Variants in WIPI2 observed in about 807,000 individuals in gnomAD.
WIPI2 encodes WD repeat domain phosphoinositide-interacting protein 2.
WIPI2 carries 28 observed loss-of-function variants against 52.3 expected under a neutral mutation model. That is an observed-to-expected ratio of 0.54 (90% CI 0.40 to 0.73). WIPI2 has a LOEUF of 0.73. Ranked by LOEUF, WIPI2 falls within the 30% of genes least tolerant of loss-of-function variation. The pLI is 0.00. For synonymous variants in WIPI2, 268 were observed against 245.0 expected (o/e 1.09, Z -0.88); for missense variants, 506 against 602.9 (o/e 0.84, Z 1.68).
chr7:5,200,589 T>TA (rs1781974954), intron 3 of WIPI2, among the ~76,000 whole-genome samples: 2 of 152,148 alleles, frequency 1.3e-5, no homozygotes, highest in Non-Finnish European at 2.9e-5. Context: ...GTTTTGCTCT[T>TA]ACTGCCCAGG....
intron 1 of WIPI2, among the ~76,000 whole-genome samples, chr7:5,192,847 G>T (rs1038854763): frequency 6.6e-6 from 1 of 152,176 alleles, no homozygotes; most frequent in Non-Finnish European, 1.5e-5. Context: ...AAGAATGACC[G>T]TCTAGAACTC....
chr7:5,205,581 T>A (rs1313676693), intron 3 of WIPI2, among the ~76,000 whole-genome samples: 1 of 152,180 alleles, frequency 6.6e-6, no homozygotes, highest in African/African-American at 2.4e-5. Flanking sequence ...TGGCTCACTG[T>A]GCAACCTCCA....
chr7:5,202,845 A>G (rs999587785), intron 3 of WIPI2, among the ~76,000 whole-genome samples: 12 of 152,222 alleles, frequency 7.9e-5, no homozygotes, highest in Non-Finnish European at 1.8e-4. Flanking sequence ...CTACAACAGT[A>G]TCCTACACTG....
In WIPI2 at chr7:5,232,898, T is replaced by G. The variant is rs1442790734; in HGVS notation, c.*1951T>G. The stretch of plus-strand genomic sequence containing the variant: ...TCAAATTTCCTTTGCCAGGTCTCTT[T>G]TGTCTTTCTTTGGGATTGGTAGTAT... On this transcript the variant is annotated 3_prime_UTR_variant, in exon 13 of 13. Transcript: ENST00000288828. 6.6e-6 allele frequency: 1 copy of G among 152,328 alleles called. No individual in the cohort carries two copies. The highest frequency in any genetic ancestry group is 2.4e-5 in the African/African-American group (1 of 41,452). The allele number at this position is 152,328 out of a possible 1,614,324, so 9.4% of individuals were successfully genotyped here.
chr7:5,217,412 C>T (rs904237857), intron 6 of WIPI2: 9 of 533,830 alleles, frequency 1.7e-5, no homozygotes, highest in Non-Finnish European at 2.7e-5. Context: ...TCAATTGATC[C>T]TCCTGCCTCA....
chr7:5,207,151 ATGTT>A (rs907721272), intron 3 of WIPI2, among the ~76,000 whole-genome samples: 4 of 152,074 alleles, frequency 2.6e-5, no homozygotes, highest in Non-Finnish European at 5.9e-5. Flanking sequence ...GTAGAGTTCA[ATGTT>A]TGTTTTTTTC....
chr7:5,217,482 A>G, intron 6 of WIPI2: 1 of 409,768 alleles, frequency 2.4e-6, no homozygotes, highest in Non-Finnish European at 4.6e-6. Context: ...ATTTTTGTAG[A>G]GATGGAGTCT....
At chr7:5,220,059 C>CG (rs1783030776) in intron 7 of WIPI2, among the ~76,000 whole-genome samples, 1 of 152,016 alleles carries the variant, frequency 6.6e-6, no homozygotes, top group African/African-American at 2.4e-5. Flanking sequence ...TGGTTTCAAA[C>CG]TCCTGAGCTC....
Position 5,229,411 on chromosome 7 carries a change from T to G in WIPI2, c.1122-197T>G, listed in dbSNP as rs1321213764. On this transcript the variant is annotated intron_variant, in intron 11 of 12. Transcript: ENST00000288828. Reference sequence around the variant, plus strand: ...GTCTTGTTAGGTATAACTCCCTCTTTAGACTTTCCATGTAAAACTCTTCAT... The same window carrying G: ...GTCTTGTTAGGTATAACTCCCTCTTGAGACTTTCCATGTAAAACTCTTCAT... The G allele has an allele frequency of 1.1e-5, 6 of 563,286 alleles. No homozygotes were observed. The South Asian group carries it at 1.4e-4, about 13-fold the overall frequency. The allele number at this position is 563,286 out of a possible 1,614,324, so 34.9% of individuals were successfully genotyped here.
chr7:5,218,140 C>A, intron 7 of WIPI2, 126 bp downstream of exon 7: 2 of 984,146 alleles, frequency 2.0e-6, no homozygotes, highest in South Asian at 1.4e-5. Flanking sequence ...GCAAAGACAG[C>A]CACCCACTTG....
Position 5,200,074 on chromosome 7 carries a change from G to C in WIPI2, c.211+416G>C, listed in dbSNP as rs186134453. On this transcript the variant is annotated intron_variant, in intron 3 of 12. Transcript: ENST00000288828. ...GCATTTTACAGCATTGAAGTGGCCC[G>C]CGTGTCGGAGAGGCGCATGGAACAG... 1.8e-4 allele frequency among the ~76,000 whole-genome samples: 28 copies of C among 152,330 alleles called. No homozygotes were observed. In the East Asian group the frequency reaches 5.0e-3, roughly 27 times the overall value.
At chr7:5,198,950 A>C (rs1275289877) in intron 2 of WIPI2, among the ~76,000 whole-genome samples, 1 of 152,232 alleles carries the variant, frequency 6.6e-6, no homozygotes, top group Non-Finnish European at 1.5e-5. Flanking sequence ...TGTCTCAGCA[A>C]ATTTCAAGCA....
chr7:5,214,416 A>G (rs766635531), intron 3 of WIPI2, 119 bp from the exon 4 acceptor site: 75 of 1,610,202 alleles, frequency 4.7e-5, no homozygotes, highest in Non-Finnish European at 5.8e-5. Flanking sequence ...TTCCGCAGGC[A>G]CCCTCAGCGC....
rs1781548289 is a variant in WIPI2, at chr7:5,192,907, A to C, written c.75-211A>C. ...ATTTGGAAGCCAGTTCACTTACTAG[A>C]ATATATATGTTATAGGGTCATTTCC... is the stretch of plus-strand genomic sequence containing the variant. On this transcript the variant is annotated intron_variant, in intron 1 of 12. Transcript: ENST00000288828. Among the ~76,000 whole-genome samples the C allele has an allele frequency of 2.6e-5, 4 of 152,180 alleles. No homozygotes were observed. The South Asian group carries it at 8.3e-4, about 31-fold the overall frequency.
chr7:5,225,776 G>A (rs377354799), intron 8 of WIPI2, 47 bp from the exon 9 acceptor site: 1 of 1,418,922 alleles, frequency 7.0e-7, no homozygotes, highest in Non-Finnish European at 9.8e-7. Flanking sequence ...AACCCCTGGG[G>A]CAGCTGCTGG....
chr7:5,229,775 C>A, intron 12 of WIPI2, 37 bp downstream of exon 12: 1 of 1,611,394 alleles, frequency 6.2e-7, no homozygotes, highest in Non-Finnish European at 8.5e-7. Context: ...GGTAATTAGC[C>A]CCACAGCCCC....
intron 8 of WIPI2, 121 bp downstream of exon 8, chr7:5,222,793 G>A: frequency 1.0e-6 from 1 of 984,256 alleles, no homozygotes; most frequent in African/African-American, 1.6e-5. Context: ...TTCTAGCCCG[G>A]CTGGGTCACC....
Position 5,232,064 on chromosome 7 carries a change from C to G in WIPI2, c.*1117C>G, listed in dbSNP as rs965272819. ...TTCATATTTACAGAATTAAAACAACCTCAAGTACCTCAGACTCTGCATTCC... is the reference window on the plus strand; with the variant it reads ...TTCATATTTACAGAATTAAAACAACGTCAAGTACCTCAGACTCTGCATTCC... On this transcript the variant is annotated 3_prime_UTR_variant, in exon 13 of 13. Transcript: ENST00000288828. The G allele has an allele frequency of 2.5e-6, 1 of 398,206 alleles. No individual in the cohort carries two copies. Among genetic ancestry groups the G allele is most frequent in the East Asian group, 3.6e-5 (1 of 28,080 alleles). The allele number at this position is 398,206 out of a possible 1,614,324, so 24.7% of individuals were successfully genotyped here.
chr7:5,209,332 TAAG>T (rs1782445799), intron 3 of WIPI2, among the ~76,000 whole-genome samples: 1 of 152,188 alleles, frequency 6.6e-6, no homozygotes, highest in African/African-American at 2.4e-5. Flanking sequence ...GAGCACAAAG[TAAG>T]GAGAGTGGGT....
Sources: gnomAD v4.1 joint callset for allele counts (sites outside exome capture counted in the v4.1 genomes callset) on GRCh38, gnomAD v4.1.1 for gene constraint, MANE v1.5 for transcripts, NCBI Gene and HGNC (gene_info 2026-07-23, HGNC 2026-07-21) for gene names.